The following KBTBD11 variants were observed in gnomAD, a reference collection of about 807,000 sequenced individuals.
KBTBD11 encodes the protein kelch repeat and BTB domain-containing protein 11.
For missense variants in KBTBD11, 1,390 were observed against 1,001.8 expected (o/e 1.39, Z -5.23); for synonymous variants, 747 against 499.0 (o/e 1.50, Z -6.63).
chr8:1,987,656 T>A (rs1346977638), intron 1 of KBTBD11, among the ~76,000 whole-genome samples: 1 of 152,076 alleles, frequency 6.6e-6, no homozygotes, highest in African/African-American at 2.4e-5. Context: ...AGCATAACTT[T>A]CACATTCTGG....
At chr8:1,979,922 C>T (rs1816483532) in intron 1 of KBTBD11, among the ~76,000 whole-genome samples, 1 of 152,196 alleles carries the variant, frequency 6.6e-6, no homozygotes, top group Non-Finnish European at 1.5e-5. Context: ...CATGGAGAGG[C>T]CTCTGTTTGC....
At chr8:1,999,099 C>G (rs188094993) in intron 1 of KBTBD11, among the ~76,000 whole-genome samples, 3 of 152,318 alleles carry the variant, frequency 2.0e-5, no homozygotes, top group Admixed American at 2.0e-4. Flanking sequence ...TATGACAATT[C>G]TATGCACATA....
Position 2,002,931 on chromosome 8 carries a change from A to G in KBTBD11, c.1739A>G (p.Glu580Gly), listed in dbSNP as rs1342280114. 1.5e-6 allele frequency: 2 copies of G among 1,321,248 alleles called. No homozygotes were observed. The highest frequency in any genetic ancestry group is 3.1e-5 in the African/African-American group (2 of 64,756). The allele number at this position is 1,321,248 out of a possible 1,614,324, so 81.8% of individuals were successfully genotyped here. The stretch of plus-strand genomic sequence containing the variant: ...CGCTTCCAGCCTGCCCGGGAAGGCG[A>G]GGCCGGCGGCGACGCAGGCCAGGGC... ...TWRFQPAREG[E>G]AGGDAGQGGG... Residue 580 changes from glutamate (E) to glycine (G), a missense_variant, in exon 2 of 2, where the codon GAG (glutamate) becomes GGG (glycine). Transcript: ENST00000320248. This position sits in a 1 kb window ranked among gnomAD's most constrained non-coding sequence, Gnocchi z 4.1.
intron 1 of KBTBD11, among the ~76,000 whole-genome samples, chr8:1,994,784 C>T (rs1168688513): frequency 2.6e-5 from 4 of 152,136 alleles, no homozygotes; most frequent in East Asian, 1.9e-4. Flanking sequence ...AGAGGCCAGG[C>T]GTGGTGGCTG....
Position 2,004,214 on chromosome 8 carries a change from C to T in KBTBD11, c.*1150C>T, listed in dbSNP as rs951698034. On this transcript the variant is annotated 3_prime_UTR_variant, in exon 2 of 2. Coordinates refer to ENST00000320248, the MANE Select transcript of KBTBD11 (RefSeq NM_014867.3). ...GTATTTAATTGTATTGAATTGAGTT[C>T]CAAAATACCCTAATAGAATTAACAC... is the stretch of plus-strand genomic sequence containing the variant. 1 of 166,922 alleles carries T rather than the reference C, an allele frequency of 6.0e-6. No homozygotes were observed. Among genetic ancestry groups the T allele is most frequent in the Non-Finnish European group, 1.5e-5 (1 of 68,118 alleles). The allele number at this position is 166,922 out of a possible 1,614,324, so 10.3% of individuals were successfully genotyped here. A position where few individuals can be genotyped will look rare whatever the true frequency, so the allele number is the denominator to read the frequency against.
At chr8:1,996,978 G>A (rs1459330595) in intron 1 of KBTBD11, among the ~76,000 whole-genome samples, 1 of 152,016 alleles carries the variant, frequency 6.6e-6, no homozygotes, top group Non-Finnish European at 1.5e-5. Flanking sequence ...TTACCAGCAA[G>A]GAGGAAACTG....
chr8:1,980,856 T>A (rs1449771132), intron 1 of KBTBD11, among the ~76,000 whole-genome samples: 1 of 152,238 alleles, frequency 6.6e-6, no homozygotes, highest in Non-Finnish European at 1.5e-5. Flanking sequence ...CTGCTCAAGC[T>A]GAATGACCAC....
chr8:1,999,205 C>T (rs1386630250), intron 1 of KBTBD11, among the ~76,000 whole-genome samples: 1 of 152,156 alleles, frequency 6.6e-6, no homozygotes, highest in East Asian at 1.9e-4. Context: ...AACTTGAAGA[C>T]ACTTTTATTT....
In KBTBD11 at chr8:2,001,535, G is replaced by C. The variant is rs1351014177; in HGVS notation, c.343G>C (p.Glu115Gln). ...GTCCCCCGAACCGCGCGTTTGGCTT[G>C]AGGACCCCGCGTCCCCCGAGGAGCC... ...APSPEPRVWL[E>Q]DPASPEEPGE... Residue 115 changes from glutamate (E) to glutamine (Q), a missense_variant, in exon 2 of 2, where the codon GAG (glutamate) becomes CAG (glutamine). Coordinates refer to ENST00000320248, the MANE Select transcript of KBTBD11 (RefSeq NM_014867.3). 4 of 1,433,458 alleles carry C rather than the reference G, an allele frequency of 2.8e-6. No individual in the cohort carries two copies. The highest frequency in any genetic ancestry group is 3.6e-6 in the Non-Finnish European group (4 of 1,098,914). The allele number at this position is 1,433,458 out of a possible 1,614,324, so 88.8% of individuals were successfully genotyped here.
chr8:1,979,220 C>T (rs1325164842), intron 1 of KBTBD11, among the ~76,000 whole-genome samples: 1 of 152,220 alleles, frequency 6.6e-6, no homozygotes, highest in Non-Finnish European at 1.5e-5. Context: ...GTCCCTCCTC[C>T]TCGGGAACCT....
intron 1 of KBTBD11, among the ~76,000 whole-genome samples, chr8:1,994,688 C>T (rs555386929): frequency 2.6e-5 from 4 of 152,224 alleles, no homozygotes; most frequent in Non-Finnish European, 5.9e-5. Context: ...GCCCGCTGCT[C>T]TGTGTCCTTT....
At chr8:1,985,461 G>A (rs993989701) in intron 1 of KBTBD11, among the ~76,000 whole-genome samples, 3 of 152,294 alleles carry the variant, frequency 2.0e-5, no homozygotes, top group African/African-American at 7.2e-5. Context: ...TTCCACAGCA[G>A]CGTCTGTCCT....
At chr8:1,979,216 C>T (rs75621444) in intron 1 of KBTBD11, among the ~76,000 whole-genome samples, 198 of 152,346 alleles carry the variant, frequency 1.3e-3, no homozygotes, top group African/African-American at 4.5e-3. Flanking sequence ...TGCAGTCCCT[C>T]CTCCTCGGGA....
intron 1 of KBTBD11, among the ~76,000 whole-genome samples, chr8:1,993,166 C>T (rs568274205): frequency 3.9e-5 from 6 of 152,068 alleles, no homozygotes; most frequent in Non-Finnish European, 5.9e-5. Flanking sequence ...AGACTGGCCT[C>T]GAACTCCTTA....
At chr8:1,974,525 C>T in intron 1 of KBTBD11, 1 of 985,244 alleles carries the variant, frequency 1.0e-6, no homozygotes, top group Non-Finnish European at 1.2e-6. Flanking sequence ...GGGAGCGCGG[C>T]CCTTGGTCCT....
At chr8:1,982,134 T>G (rs1350732818) in intron 1 of KBTBD11, among the ~76,000 whole-genome samples, 1 of 151,930 alleles carries the variant, frequency 6.6e-6, no homozygotes, top group Non-Finnish European at 1.5e-5. Context: ...GGGGCAGGAG[T>G]TAAAAGTATA....
intron 1 of KBTBD11, among the ~76,000 whole-genome samples, chr8:1,982,329 A>T (rs1166103434): frequency 6.6e-6 from 1 of 152,216 alleles, no homozygotes; most frequent in East Asian, 1.9e-4. Context: ...ACAGCAAGAG[A>T]GGAAGAAAGG....
chr8:1,987,033 A>G (rs75346550), intron 1 of KBTBD11, among the ~76,000 whole-genome samples: 19 of 136,092 alleles, frequency 1.4e-4, no homozygotes, highest in African/African-American at 4.8e-4. Flanking sequence ...AAAAAAAAAA[A>G]CCACGCACAC....
chr8:1,980,376 A>G (rs1214847841), intron 1 of KBTBD11, among the ~76,000 whole-genome samples: 1 of 152,022 alleles, frequency 6.6e-6, no homozygotes, highest in Admixed American at 6.6e-5. Context: ...ACAAGCATGC[A>G]TCACCACGCC....
Sources: allele counts gnomAD v4.1 joint callset (sites outside exome capture counted in the v4.1 genomes callset), GRCh38; gene constraint gnomAD v4.1.1; non-coding constraint Gnocchi (gnomAD v3.1); transcripts MANE v1.5; gene names NCBI Gene and HGNC (gene_info 2026-07-23, HGNC 2026-07-21).